The following CUL1 variants were observed in gnomAD, a reference collection of about 807,000 sequenced individuals.
CUL1 encodes cullin 1.
CUL1 carries 24 observed loss-of-function variants against 118.0 expected under a neutral mutation model. The ratio of observed to expected loss-of-function variants is 0.20; its 90% CI spans 0.15 to 0.29. The LOEUF (loss-of-function observed/expected upper bound fraction) is 0.29. Ranked by LOEUF, CUL1 falls within the 10% of genes least tolerant of loss-of-function variation. The probability of loss-of-function intolerance (pLI) is 1.00; values close to 1 mark genes in which losing one functional copy is unlikely to be tolerated. For synonymous variants in CUL1, 332 were observed against 340.4 expected (o/e 0.98, Z 0.27); for missense variants, 361 against 933.8 (o/e 0.39, Z 7.99).
chr7:148,748,581 A>G (rs903036540), intron 2 of CUL1, among the ~76,000 whole-genome samples: 26 of 152,224 alleles, frequency 1.7e-4, no homozygotes, highest in African/African-American at 6.3e-4. Context: ...ATTTCACTAA[A>G]AATTTCTTGG....
intron 11 of CUL1, among the ~76,000 whole-genome samples, chr7:148,786,217 C>A (rs1294268676): frequency 2.0e-5 from 3 of 152,176 alleles, no homozygotes; most frequent in African/African-American, 7.2e-5. Flanking sequence ...GACTAGAAAG[C>A]AATTGGTAAA....
At chr7:148,772,424 A>AAC (rs1554471810) in intron 9 of CUL1, among the ~76,000 whole-genome samples, 2 of 64,868 alleles carry the variant, frequency 3.1e-5, no homozygotes, top group Non-Finnish European at 5.6e-5. Flanking sequence ...CAAAAAAAAA[A>AAC]CAAAAAAAAA....
At chr7:148,708,974 A>T (rs749614665) in intron 1 of CUL1, among the ~76,000 whole-genome samples, 1 of 152,252 alleles carries the variant, frequency 6.6e-6, no homozygotes, top group Non-Finnish European at 1.5e-5. Context: ...CAAACCATAT[A>T]TTACACTAAA....
intron 1 of CUL1, among the ~76,000 whole-genome samples, chr7:148,712,430 G>A (rs904636070): frequency 2.6e-5 from 4 of 152,216 alleles, no homozygotes; most frequent in African/African-American, 9.7e-5. Context: ...TGTGCTGAAA[G>A]TTACATTTTG....
chr7:148,705,823 G>C (rs144955821), intron 1 of CUL1, among the ~76,000 whole-genome samples: 319 of 152,298 alleles, frequency 2.1e-3, no homozygotes, highest in Non-Finnish European at 3.9e-3. Flanking sequence ...TGTGGGGGAT[G>C]GTGGAGAAGA....
rs1800901131 is a variant in CUL1 at position 148,788,691 on chromosome 7, C to T, written c.1597+17C>T. The T allele has an allele frequency of 6.6e-7, 1 of 1,512,650 alleles. No individual in the cohort carries two copies. The highest frequency in any genetic ancestry group is 9.2e-7 in the Non-Finnish European group (1 of 1,091,078). The allele number at this position is 1,512,650 out of a possible 1,614,324, so 93.7% of individuals were successfully genotyped here. A position where few individuals can be genotyped will look rare whatever the true frequency, so the allele number is the denominator to read the frequency against. ...CCCTAGACTGTGAGTATCCGTGTGT[C>T]TCTATGTTGTGTTTACAGGCAGAGT... On this transcript the variant is annotated intron_variant, in intron 14 of 21. Coordinates refer to ENST00000325222, the MANE Select transcript of CUL1 (RefSeq NM_003592.3).
intron 11 of CUL1, among the ~76,000 whole-genome samples, chr7:148,784,821 A>C (rs1019414552): frequency 6.6e-5 from 10 of 152,232 alleles, no homozygotes; most frequent in Non-Finnish European, 1.5e-4. Flanking sequence ...ACCCCGATAC[A>C]AAAAAGACCG....
chr7:148,724,303 T>G (rs1157623505), intron 1 of CUL1, among the ~76,000 whole-genome samples: 1 of 152,260 alleles, frequency 6.6e-6, no homozygotes, highest in Admixed American at 6.5e-5. Context: ...CATCTTCTTT[T>G]GGAATAACAG....
intron 9 of CUL1, 148 bp downstream of exon 9, chr7:148,767,897 AG>A: frequency 1.3e-6 from 1 of 794,016 alleles, no homozygotes; most frequent in Non-Finnish European, 2.0e-6. Context: ...TGAAGTAGAT[AG>A]TTCACAGACA....
chr7:148,777,678 A>T (rs907711814), intron 9 of CUL1, among the ~76,000 whole-genome samples: 2 of 152,156 alleles, frequency 1.3e-5, no homozygotes, highest in African/African-American at 4.8e-5. Flanking sequence ...TCCAGGGGCA[A>T]CTGCAGCAAC....
intron 1 of CUL1, among the ~76,000 whole-genome samples, chr7:148,727,466 T>C (rs1481796184): frequency 6.6e-6 from 1 of 152,192 alleles, no homozygotes; most frequent in Non-Finnish European, 1.5e-5. Flanking sequence ...ATGTAAAATA[T>C]GTATTGAGCG....
intron 9 of CUL1, among the ~76,000 whole-genome samples, chr7:148,768,648 G>A (rs973373673): frequency 6.6e-6 from 1 of 152,112 alleles, no homozygotes; most frequent in Non-Finnish European, 1.5e-5. Flanking sequence ...GCCTCCCAAA[G>A]TGCTGAGATT....
chr7:148,705,967 A>G (rs1797867827), intron 1 of CUL1, among the ~76,000 whole-genome samples: 1 of 152,186 alleles, frequency 6.6e-6, no homozygotes, highest in African/African-American at 2.4e-5. Context: ...TGAAAATCCT[A>G]AATCCTCCAG....
At chr7:148,726,704 A>G (rs1798595628) in intron 1 of CUL1, among the ~76,000 whole-genome samples, 1 of 152,152 alleles carries the variant, frequency 6.6e-6, no homozygotes. Context: ...TCATCTGAAG[A>G]GGAAGGGTCA....
intron 17 of CUL1, among the ~76,000 whole-genome samples, chr7:148,794,994 G>C (rs1801136933): frequency 6.6e-6 from 1 of 151,960 alleles, no homozygotes; most frequent in African/African-American, 2.4e-5. Context: ...ACCATGCCTG[G>C]CTAATTTTTT....
chr7:148,710,538 CAGCCTGGGCGGACAG>C (rs1204826257), intron 1 of CUL1, among the ~76,000 whole-genome samples: 2 of 152,210 alleles, frequency 1.3e-5, no homozygotes, highest in Non-Finnish European at 1.5e-5. Flanking sequence ...CACTACATTC[CAGCCTGGGCGGACAG>C]AGCGAGACTC....
At chr7:148,725,246 C>CACACACAA (rs1349906501) in intron 1 of CUL1, among the ~76,000 whole-genome samples, 4 of 151,944 alleles carry the variant, frequency 2.6e-5, no homozygotes, top group African/African-American at 9.7e-5. Context: ...CACACACACA[C>CACACACAA]ACCCGTACCC....
At chr7:148,790,017 G>C (rs540494860) in intron 15 of CUL1, among the ~76,000 whole-genome samples, 191 bp downstream of exon 15, 4 of 152,350 alleles carry the variant, frequency 2.6e-5, no homozygotes, top group Non-Finnish European at 4.4e-5. Flanking sequence ...AAGGTGGGCT[G>C]TCTGTCCCAG....
intron 4 of CUL1, among the ~76,000 whole-genome samples, chr7:148,757,553 G>A (rs781219854): frequency 6.6e-6 from 1 of 152,146 alleles, no homozygotes; most frequent in Non-Finnish European, 1.5e-5. Context: ...GGGAAACGCT[G>A]CTTCATGGAG....
Sources: gnomAD v4.1 joint callset for allele counts (sites outside exome capture counted in the v4.1 genomes callset) on GRCh38, gnomAD v4.1.1 for gene constraint, MANE v1.5 for transcripts, NCBI Gene and HGNC (gene_info 2026-07-23, HGNC 2026-07-21) for gene names.